Variants in KLF12 observed in about 807,000 individuals in gnomAD.
KLF12 encodes the protein Krueppel-like factor 12.
Under a neutral mutation model 37.8 loss-of-function variants are expected in KLF12, and 9 were observed. The observed-to-expected ratio is 0.24, with a 90% CI of 0.14 to 0.42. The LOEUF is 0.42. Ranked by LOEUF, KLF12 falls within the 10% of genes least tolerant of loss-of-function variation. The probability of loss-of-function intolerance (pLI) is 1.00; values close to 1 mark genes in which losing one functional copy is unlikely to be tolerated. For missense variants in KLF12, 411 were observed against 516.0 expected, an observed-to-expected ratio of 0.80 and a Z score of 1.97; for synonymous variants, 208 against 202.1, an observed-to-expected ratio of 1.03 and a Z score of -0.25.
chr13:74,223,606 ATGGAAAGTGGACTT>A, the KLF12 span, among the ~76,000 whole-genome samples: 4 of 152,136 alleles, frequency 2.6e-5, no homozygotes, highest in African/African-American at 7.2e-5. Flanking sequence ...TGGAATAGAG[ATGGAAAGTGGACTT>A]CCCTGTGGTC....
intron 1 of KLF12, among the ~76,000 whole-genome samples, chr13:74,035,348 T>C (rs1332320616): frequency 6.6e-6 from 1 of 152,214 alleles, no homozygotes; most frequent in African/African-American, 2.4e-5. Context: ...TTGGTGGAAT[T>C]TGTGGATGAG....
chr13:74,301,634 C>T, the KLF12 span, among the ~76,000 whole-genome samples: 7 of 152,112 alleles, frequency 4.6e-5, no homozygotes, highest in African/African-American at 9.7e-5. Context: ...AAGGGGAAAA[C>T]GAGAAAATGT....
chr13:74,115,804 T>C (rs1397906803), intron 1 of KLF12, among the ~76,000 whole-genome samples: 1 of 152,072 alleles, frequency 6.6e-6, no homozygotes, highest in Non-Finnish European at 1.5e-5. Context: ...TTACAACCCC[T>C]GCCTCTGTAT....
chr13:73,776,478 C>T (rs1306508818), intron 5 of KLF12, among the ~76,000 whole-genome samples: 1 of 152,198 alleles, frequency 6.6e-6, no homozygotes, highest in African/African-American at 2.4e-5. Context: ...TGGCAAGAAG[C>T]TTATGAAGTA....
chr13:74,135,416 C>A (rs374871152), upstream of KLF12, among the ~76,000 whole-genome samples: 2 of 151,968 alleles, frequency 1.3e-5, no homozygotes, highest in African/African-American at 4.8e-5. Context: ...GACGCTCTCC[C>A]CGGCAGCCCC....
chr13:73,925,816 A>G lies in KLF12; in HGVS notation c.123+18165T>C, dbSNP rs11838856. Among the ~76,000 whole-genome samples the G allele has an allele frequency of 5.7e-3, 872 of 152,290 alleles. 10 individuals carry two copies. Among genetic ancestry groups the G allele is most frequent in the African/African-American group, 0.019 (802 of 41,566 alleles). ...GTATCAACATTAACACGAGTTTGGAATAAGTTGATTTCACCCACATGGATG... is the reference window on the plus strand; with the variant it reads ...GTATCAACATTAACACGAGTTTGGAGTAAGTTGATTTCACCCACATGGATG... On this transcript the variant is annotated intron_variant, in intron 3 of 7. Coordinates refer to ENST00000377669, the MANE Select transcript of KLF12 (RefSeq NM_007249.5).
chr13:74,036,925 G>A (rs1460022144), intron 1 of KLF12, among the ~76,000 whole-genome samples: 2 of 152,250 alleles, frequency 1.3e-5, no homozygotes, highest in East Asian at 3.9e-4. Context: ...TTTCTTTTGG[G>A]CCAGGAGCCG....
intron 1 of KLF12, among the ~76,000 whole-genome samples, chr13:74,071,367 AT>A (rs1874225368): frequency 6.6e-6 from 1 of 152,130 alleles, no homozygotes; most frequent in Admixed American, 6.5e-5. Flanking sequence ...CAAGACTAAA[AT>A]TTTTTAAAAC....
At chr13:73,857,011 T>C (rs1388606625) in intron 3 of KLF12, among the ~76,000 whole-genome samples, 2 of 151,720 alleles carry the variant, frequency 1.3e-5, no homozygotes, top group Non-Finnish European at 1.5e-5. Flanking sequence ...AGATAAAATA[T>C]AATAAACTAA....
At chr13:73,774,806 AGG>A (rs751693378) in intron 5 of KLF12, among the ~76,000 whole-genome samples, 12 of 152,098 alleles carry the variant, frequency 7.9e-5, no homozygotes, top group Non-Finnish European at 1.2e-4. Context: ...ATTTTGTGAT[AGG>A]GTTTTTCATT....
At chr13:73,909,805 T>C (rs1888485503) in intron 3 of KLF12, among the ~76,000 whole-genome samples, 1 of 152,216 alleles carries the variant, frequency 6.6e-6, no homozygotes, top group Non-Finnish European at 1.5e-5. Context: ...TCCACACTTT[T>C]CCATTTTGTC....
At chr13:74,173,742 C>T in the KLF12 span, among the ~76,000 whole-genome samples, 1 of 152,142 alleles carries the variant, frequency 6.6e-6, no homozygotes, top group Non-Finnish European at 1.5e-5. Flanking sequence ...TTTGTTATGG[C>T]AGTTACCTTA....
At chr13:74,278,988 G>A in the KLF12 span, among the ~76,000 whole-genome samples, 1 of 152,152 alleles carries the variant, frequency 6.6e-6, no homozygotes, top group Non-Finnish European at 1.5e-5. Flanking sequence ...GCCAGGAAGA[G>A]GTAATACATC....
chr13:73,697,088 A>AACATAC (rs1874203389), intron 7 of KLF12, among the ~76,000 whole-genome samples: 1 of 149,550 alleles, frequency 6.7e-6, no homozygotes, highest in South Asian at 2.1e-4. Context: ...ATACAACTGC[A>AACATAC]ACACACACAC....
intron 2 of KLF12, among the ~76,000 whole-genome samples, chr13:73,979,461 C>G (rs1891634127): frequency 6.6e-6 from 1 of 151,306 alleles, no homozygotes; most frequent in African/African-American, 2.4e-5. Context: ...TTAATTTTCT[C>G]AGCAACTAAA....
At chr13:73,964,285 A>C (rs1485033949) in intron 2 of KLF12, among the ~76,000 whole-genome samples, 1 of 152,178 alleles carries the variant, frequency 6.6e-6, no homozygotes, top group Non-Finnish European at 1.5e-5. Context: ...ACAAATATTA[A>C]TAAGTAGGTC....
At chr13:73,915,109 G>T (rs1469176331) in intron 3 of KLF12, among the ~76,000 whole-genome samples, 1 of 152,156 alleles carries the variant, frequency 6.6e-6, no homozygotes, top group South Asian at 2.1e-4. Flanking sequence ...TCCAGTGGCT[G>T]CTGGTATTCC....
chr13:74,164,148 T>G, the KLF12 span, among the ~76,000 whole-genome samples: 1 of 152,130 alleles, frequency 6.6e-6, no homozygotes, highest in African/African-American at 2.4e-5. Context: ...AACTGTATTC[T>G]AGTCATGTTT....
At chr13:74,137,628 ATAATGT>A (rs1396595422), upstream of KLF12, among the ~76,000 whole-genome samples, 2 of 152,252 alleles carry the variant, frequency 1.3e-5, no homozygotes, top group African/African-American at 2.4e-5. Context: ...ACAATTAGAA[ATAATGT>A]TAATGTAAAA....
Sources: allele counts gnomAD v4.1 joint callset (sites outside exome capture counted in the v4.1 genomes callset), GRCh38; gene constraint gnomAD v4.1.1; transcripts MANE v1.5; gene names NCBI Gene and HGNC (gene_info 2026-07-23, HGNC 2026-07-21).